GPC5: variants seen among roughly 807,000 people sequenced by gnomAD.
GPC5 encodes glypican 5.
Under a neutral mutation model 53.9 loss-of-function variants are expected in GPC5, and 47 were observed. The observed-to-expected ratio is 0.87, with a 90% CI of 0.69 to 1.11. The LOEUF is 1.11. Among genes scored for constraint, GPC5 ranks in the 50% most tolerant of loss-of-function variants. The pLI is 0.00. For missense variants in GPC5, 748 were observed against 713.1 expected (o/e 1.05, Z -0.56); for synonymous variants, 286 against 263.3 (o/e 1.09, Z -0.84).
At chr13:92,777,469 C>G (rs1363261521) in intron 7 of GPC5, among the ~76,000 whole-genome samples, 1 of 151,724 alleles carries the variant, frequency 6.6e-6, no homozygotes, top group Admixed American at 6.6e-5. Flanking sequence ...CCTGTCTCTA[C>G]TAAAAATACA....
intron 7 of GPC5, among the ~76,000 whole-genome samples, chr13:92,665,912 T>C (rs2139196030): frequency 6.6e-6 from 1 of 152,304 alleles, no homozygotes; most frequent in South Asian, 2.1e-4. Context: ...TAGCACATAT[T>C]ATCTGGCACC....
chr13:91,984,653 A>T (rs1310150654), intron 6 of GPC5, among the ~76,000 whole-genome samples: 1 of 152,154 alleles, frequency 6.6e-6, no homozygotes, highest in Non-Finnish European at 1.5e-5. Context: ...TGTAATGTGC[A>T]TTTCCCTGGT....
intron 5 of GPC5, among the ~76,000 whole-genome samples, chr13:91,772,543 T>C (rs2037643064): frequency 6.6e-6 from 1 of 152,206 alleles, no homozygotes; most frequent in Non-Finnish European, 1.5e-5. Context: ...TATAATTTTT[T>C]TATTTCATCT....
chr13:92,778,966 T>TACACACACAC (rs5805763), intron 7 of GPC5, among the ~76,000 whole-genome samples: 2 of 149,304 alleles, frequency 1.3e-5, no homozygotes, highest in African/African-American at 4.9e-5. Context: ...GTGCAAGATA[T>TACACACACAC]ACACACACAC....
chr13:91,417,428 C>T (rs888846802), intron 1 of GPC5, among the ~76,000 whole-genome samples: 31 of 152,116 alleles, frequency 2.0e-4, no homozygotes, highest in African/African-American at 7.2e-4. Flanking sequence ...GCCCACAAAA[C>T]GTAGATTCTC....
chr13:92,269,982 T>A (rs911542140), intron 7 of GPC5, among the ~76,000 whole-genome samples: 2 of 152,110 alleles, frequency 1.3e-5, no homozygotes, highest in Non-Finnish European at 2.9e-5. Flanking sequence ...CCGAGTGATT[T>A]TGTCATGTGG....
chr13:92,275,253 C>A (rs1594057944), intron 7 of GPC5, among the ~76,000 whole-genome samples: 1 of 152,186 alleles, frequency 6.6e-6, no homozygotes, highest in East Asian at 1.9e-4. Context: ...ACACAGGCTT[C>A]TGTATTTTTT....
At chr13:92,819,188 C>T (rs1257536872) in intron 7 of GPC5, among the ~76,000 whole-genome samples, 35 of 151,944 alleles carry the variant, frequency 2.3e-4, no homozygotes. Flanking sequence ...TCTTATTTAA[C>T]AAACCTGTTA....
intron 7 of GPC5, among the ~76,000 whole-genome samples, chr13:92,334,249 G>A (rs555888871): frequency 5.3e-5 from 8 of 152,168 alleles, no homozygotes; most frequent in Admixed American, 3.3e-4. Context: ...AGGAGCAAAG[G>A]CATGTCTTAC....
chr13:91,961,230 AC>A (rs1461101428), intron 6 of GPC5, among the ~76,000 whole-genome samples: 1 of 151,908 alleles, frequency 6.6e-6, no homozygotes, highest in African/African-American at 2.4e-5. Context: ...AACTCTAAAT[AC>A]TCTGACTTAA....
chr13:91,691,326 T>G (rs921395039), intron 2 of GPC5, among the ~76,000 whole-genome samples: 14 of 152,080 alleles, frequency 9.2e-5, no homozygotes, highest in Non-Finnish European at 1.6e-4. Flanking sequence ...ACCTACTGAG[T>G]TAGGATTTCA....
In GPC5 at chr13:91,811,084, G is replaced by T. The variant is rs148434648; in HGVS notation, c.1280+54664G>T. ...ATTAAATTTCAAAATCGTTAAAACT[G>T]TCACAACTTCCTTAAAGGTAAAATG... On this transcript the variant is annotated intron_variant, in intron 5 of 7. Transcript: ENST00000377067. 1.4e-4 allele frequency among the ~76,000 whole-genome samples: 21 copies of T among 151,914 alleles called. No homozygotes were observed. The East Asian group carries it at 4.1e-3, about 29-fold the overall frequency.
At chr13:92,756,921 G>C (rs1383805923) in intron 7 of GPC5, among the ~76,000 whole-genome samples, 28 of 151,826 alleles carry the variant, frequency 1.8e-4, no homozygotes, top group African/African-American at 3.6e-4. Flanking sequence ...GTAATTTATA[G>C]ATTCAATGCC....
chr13:92,269,057 A>G (rs1438013191), intron 7 of GPC5, among the ~76,000 whole-genome samples: 1 of 151,980 alleles, frequency 6.6e-6, no homozygotes, highest in Non-Finnish European at 1.5e-5. Context: ...GCTTTTTCCC[A>G]GTTTATATTT....
intron 7 of GPC5, among the ~76,000 whole-genome samples, chr13:92,780,321 A>G (rs1260121460): frequency 3.3e-5 from 5 of 151,102 alleles, no homozygotes; most frequent in African/African-American, 9.7e-5. Context: ...ATTAAGTGTA[A>G]TTTATATTTC....
chr13:91,512,580 A>C (rs940987884), intron 2 of GPC5, among the ~76,000 whole-genome samples: 4 of 152,202 alleles, frequency 2.6e-5, no homozygotes, highest in Admixed American at 2.6e-4. Flanking sequence ...GGTCACTTTC[A>C]AACCTCCTGC....
intron 6 of GPC5, among the ~76,000 whole-genome samples, chr13:92,033,769 T>A (rs559050525): frequency 5.9e-4 from 90 of 152,286 alleles, no homozygotes; most frequent in African/African-American, 2.0e-3. Context: ...AGCATTGATC[T>A]TGATATAGGG....
At chr13:92,830,744 A>G (rs913268772) in intron 7 of GPC5, among the ~76,000 whole-genome samples, 5 of 152,102 alleles carry the variant, frequency 3.3e-5, no homozygotes, top group African/African-American at 1.2e-4. Flanking sequence ...AAATTTAAAT[A>G]ATTTTTTAAC....
intron 5 of GPC5, among the ~76,000 whole-genome samples, chr13:91,895,990 C>T (rs569789267): frequency 6.6e-6 from 1 of 152,204 alleles, no homozygotes; most frequent in African/African-American, 2.4e-5. Context: ...CCTCCGTGGT[C>T]CCATTGTCTT....
Sources: gnomAD v4.1 joint callset for allele counts (sites outside exome capture counted in the v4.1 genomes callset) on GRCh38, gnomAD v4.1.1 for gene constraint, MANE v1.5 for transcripts, NCBI Gene and HGNC (gene_info 2026-07-23, HGNC 2026-07-21) for gene names.